Variants in DNAJC2 observed in about 807,000 individuals in gnomAD.
DNAJC2 encodes DnaJ heat shock protein family (Hsp40) member C2, also known as dnaJ homolog subfamily C member 2.
DNAJC2 carries 32 observed loss-of-function variants against 94.0 expected under a neutral mutation model. The ratio of observed to expected loss-of-function variants is 0.34; its 90% confidence interval spans 0.26 to 0.46. The LOEUF (loss-of-function observed/expected upper bound fraction) is 0.46. Among genes scored for constraint, DNAJC2 ranks in the 20% least tolerant of loss-of-function variants. The pLI, the probability that DNAJC2 is intolerant of heterozygous loss-of-function variation, is 1.00. For missense variants in DNAJC2, 550 were observed against 719.5 expected (o/e 0.76, Z 2.69); for synonymous variants, 210 against 229.7 (o/e 0.91, Z 0.77).
intron 3 of DNAJC2, chr7:103,335,534 CTTTCTTTT>C (rs1192299968): frequency 6.7e-6 from 1 of 150,098 alleles, no homozygotes; most frequent in African/African-American, 2.4e-5. Context: ...TTCTTTCTTT[CTTTCTTTT>C]TTTTTTTTTT....
In DNAJC2 at chr7:103,341,961, T is replaced by TTG; in HGVS notation, c.65-9_65-8dup. On this transcript the variant is annotated splice_region_variant and splice_polypyrimidine_tract_variant and intron_variant, in intron 1 of 16. Coordinates refer to ENST00000379263, the MANE Select transcript of DNAJC2 (RefSeq NM_014377.3). ...ACTTGACAGAGTGTAGAGGCTGTGA[T>TTG]TGAAAGTGTTAAGAGAGGCTTCAGT... 6.4e-7 allele frequency: 1 copy of TTG among 1,558,988 alleles called. No individual in the cohort carries two copies. The highest frequency in any genetic ancestry group is 8.7e-7 in the Non-Finnish European group (1 of 1,155,274).
intron 10 of DNAJC2, 43 bp from the exon 11 acceptor site, chr7:103,319,887 C>A (rs765182154): frequency 6.3e-7 from 1 of 1,588,476 alleles, no homozygotes; most frequent in Admixed American, 1.7e-5. Flanking sequence ...CTCAAAAATA[C>A]ATCCATCAAC....
intron 3 of DNAJC2, chr7:103,335,428 G>C (rs1337992890): frequency 1.3e-5 from 2 of 152,184 alleles, no homozygotes; most frequent in Admixed American, 6.6e-5. Context: ...AAGGGTGGTA[G>C]AGAGTAAGTT....
chr7:103,326,024 T>C (rs1586090467), intron 5 of DNAJC2, among the ~76,000 whole-genome samples: 1 of 152,070 alleles, frequency 6.6e-6, no homozygotes, highest in Non-Finnish European at 1.5e-5. Flanking sequence ...GATGGAGTCT[T>C]GCTCAGTGTA....
chr7:103,341,963 G>A lies in DNAJC2; in HGVS notation c.65-9C>T, dbSNP rs1330514166. On this transcript the variant is annotated splice_polypyrimidine_tract_variant and intron_variant, in intron 1 of 16. Transcript: ENST00000379263. ...TTGACAGAGTGTAGAGGCTGTGATT[G>A]AAAGTGTTAAGAGAGGCTTCAGTGT... The A allele has an allele frequency of 6.4e-7, 1 of 1,556,160 alleles. No individual in the cohort carries two copies.
intron 10 of DNAJC2, among the ~76,000 whole-genome samples, chr7:103,320,282 G>T (rs1218088846): frequency 6.6e-6 from 1 of 151,764 alleles, no homozygotes; most frequent in South Asian, 2.1e-4. Context: ...TAGAGACGGG[G>T]TTTCACCATT....
At chr7:103,316,285 G>A (rs1244186009) in intron 13 of DNAJC2, 197 bp from the exon 14 acceptor site, 4 of 396,474 alleles carry the variant, frequency 1.0e-5, no homozygotes, top group South Asian at 7.9e-5. Context: ...TTAAATCAAC[G>A]ATAATCTTGG....
At position 103,312,576 on chromosome 7, in the gene DNAJC2, T is replaced by C; in HGVS notation, c.1859A>G (p.Lys620Arg). Reference sequence around the variant, plus strand: ...CACACACAACAAAGATTGTCATTTCTTGGCTCTACTTGCATTCAGCACTTG... The same window carrying C: ...CACACACAACAAAGATTGTCATTTCCTGGCTCTACTTGCATTCAGCACTTG... ...QEQVLNASRA[K>R]K is the part of the protein sequence containing the mutation. Residue 620 changes from lysine (K) to arginine (R), a missense_variant, in exon 17 of 17, where the codon AAG (lysine) becomes AGG (arginine). Lys to Arg is a conservative substitution (Grantham distance 26). Coordinates refer to ENST00000379263, the MANE Select transcript of DNAJC2 (RefSeq NM_014377.3). 1 of 1,612,374 alleles carries C rather than the reference T, an allele frequency of 6.2e-7. No homozygotes were observed. The highest frequency in any genetic ancestry group is 8.5e-7 in the Non-Finnish European group (1 of 1,179,516).
chr7:103,323,711 A>G, intron 6 of DNAJC2, 48 bp from the exon 7 acceptor site: 1 of 1,286,814 alleles, frequency 7.8e-7, no homozygotes, highest in Non-Finnish European at 1.0e-6. Flanking sequence ...TAAATGAAAA[A>G]AAATTCTTTT....
rs565271369 is a variant in DNAJC2, at chr7:103,332,227, G to A, written c.332-4473C>T. 2.6e-5 allele frequency among the ~76,000 whole-genome samples: 4 copies of A among 152,104 alleles called. No homozygotes were observed. The East Asian group carries it at 5.8e-4, about 22-fold the overall frequency. The stretch of plus-strand genomic sequence containing the variant: ...TCACCGTGTTAGCCAGGATGGTCTC[G>A]ATCTCCTGACCTCATGATCCGCCCG... On this transcript the variant is annotated intron_variant, in intron 3 of 16. Transcript: ENST00000379263.
chr7:103,337,215 A>T (rs1264486772), intron 3 of DNAJC2: 1 of 152,802 alleles, frequency 6.5e-6, no homozygotes, highest in Non-Finnish European at 1.5e-5. Context: ...GGTGTTTTAT[A>T]AGGCATATGA....
At chr7:103,338,124 G>C (rs953817920) in intron 2 of DNAJC2, among the ~76,000 whole-genome samples, 2 of 152,034 alleles carry the variant, frequency 1.3e-5, no homozygotes, top group Admixed American at 1.3e-4. Flanking sequence ...TTAAAAATTA[G>C]CTGGGTGTGG....
intron 3 of DNAJC2, among the ~76,000 whole-genome samples, chr7:103,333,794 C>T (rs1227631354): frequency 6.6e-6 from 1 of 152,104 alleles, no homozygotes; most frequent in Non-Finnish European, 1.5e-5. Context: ...TGAGATTCAT[C>T]CATGTTTTTC....
In DNAJC2 at chr7:103,321,568, C is replaced by T. The variant is rs1418666774; in HGVS notation, c.1083+364G>A. Among the ~76,000 whole-genome samples the T allele has an allele frequency of 8.0e-5, 12 of 150,814 alleles. No individual in the cohort carries two copies. In the East Asian group the frequency reaches 2.4e-3, roughly 30 times the overall value. On this transcript the variant is annotated intron_variant, in intron 10 of 16. Transcript: ENST00000379263. ...TTTTTTTTTTCAAGAAATATTTTGG[C>T]TGGGTGCAGTGGCTCATGCCTGTAG...
chr7:103,324,865 G>C (rs997151004), intron 5 of DNAJC2: 1 of 175,944 alleles, frequency 5.7e-6, no homozygotes, highest in African/African-American at 2.4e-5. Context: ...AGGCAGGCTA[G>C]AAAAAATGGC....
chr7:103,324,029 C>G (rs1322645946), intron 6 of DNAJC2, among the ~76,000 whole-genome samples: 1 of 152,160 alleles, frequency 6.6e-6, no homozygotes. Context: ...GCAATTACAA[C>G]TGATAGAACT....
At chr7:103,318,897 TAAATC>T (rs1403474482) in intron 12 of DNAJC2, among the ~76,000 whole-genome samples, 1 of 152,152 alleles carries the variant, frequency 6.6e-6, no homozygotes, top group African/African-American at 2.4e-5. Flanking sequence ...TAATCCAACT[TAAATC>T]AACAACAGCA....
At chr7:103,315,740 T>C in intron 15 of DNAJC2, 24 bp downstream of exon 15, 1 of 1,526,714 alleles carries the variant, frequency 6.6e-7, no homozygotes, top group African/African-American at 1.4e-5. Context: ...TAGCATTTTC[T>C]ACGTTTAGAA....
rs1452941258 is a variant in DNAJC2 at position 103,326,490 on chromosome 7, T to G, written c.572+53A>C. On this transcript the variant is annotated intron_variant, in intron 5 of 16. Coordinates refer to ENST00000379263, the MANE Select transcript of DNAJC2 (RefSeq NM_014377.3). Reference sequence around the variant, plus strand: ...GGGAAAGAGCAGAAACCTGGAAGACTACAATAAACAAGCCAACAGGGCACT... The same window carrying G: ...GGGAAAGAGCAGAAACCTGGAAGACGACAATAAACAAGCCAACAGGGCACT... 7 of 1,579,770 alleles carry G rather than the reference T, an allele frequency of 4.4e-6. No individual in the cohort carries two copies. The East Asian group carries it at 1.6e-4, about 35-fold the overall frequency.
Sources: gnomAD v4.1 joint callset for allele counts (sites outside exome capture counted in the v4.1 genomes callset) on GRCh38, gnomAD v4.1.1 for gene constraint, MANE v1.5 for transcripts, NCBI Gene and HGNC (gene_info 2026-07-23, HGNC 2026-07-21) for gene names.